The following CCNH variants were observed in gnomAD, a reference collection of about 807,000 sequenced individuals.
CCNH encodes cyclin-H.
CCNH carries 31 observed loss-of-function variants against 41.9 expected under a neutral mutation model. That is an observed-to-expected ratio of 0.74 (90% CI 0.56 to 1.00). The LOEUF (loss-of-function observed/expected upper bound fraction) is 1.00, where lower values mean the gene tolerates loss of function less well. Ranked by LOEUF, CCNH falls within the 50% of genes least tolerant of loss-of-function variation. CCNH has a pLI of 0.00. For missense variants in CCNH, 362 were observed against 388.4 expected (o/e 0.93, Z 0.57); for synonymous variants, 138 against 136.1 (o/e 1.01, Z -0.10).
At chr5:87,407,861 A>T in intron 4 of CCNH, 115 bp downstream of exon 4, 1 of 742,394 alleles carries the variant, frequency 1.3e-6, no homozygotes, top group Non-Finnish European at 2.3e-6. Context: ...CCAGACCCAC[A>T]GGTTGTATCC....
At chr5:87,367,114 C>T (rs923714825) in intron 9 of CCNH, among the ~76,000 whole-genome samples, 3 of 152,022 alleles carry the variant, frequency 2.0e-5, no homozygotes, top group African/African-American at 7.2e-5. Context: ...TTTAAAGTGC[C>T]TTCCTGTGAA....
chr5:87,330,984 G>C, intron 9 of CCNH: 1 of 1,428,940 alleles, frequency 7.0e-7, no homozygotes. Flanking sequence ...TAAGATCGAG[G>C]TAGTAAATTA....
chr5:87,339,996 A>G (rs1758319740), intron 9 of CCNH, among the ~76,000 whole-genome samples: 1 of 152,100 alleles, frequency 6.6e-6, no homozygotes, highest in Admixed American at 6.5e-5. Context: ...TTATACTTTC[A>G]TGTATTAACT....
At chr5:87,367,984 A>AT (rs1189799602) in intron 9 of CCNH, among the ~76,000 whole-genome samples, 3 of 152,078 alleles carry the variant, frequency 2.0e-5, no homozygotes, top group Non-Finnish European at 2.9e-5. Flanking sequence ...TAAAAAAAAA[A>AT]TTATCCTTAG....
exon 1 of CCNH, chr5:87,377,096 A>C: frequency 6.5e-7 from 1 of 1,529,718 alleles, no homozygotes; most frequent in Non-Finnish European, 9.0e-7. Flanking sequence ...TTTTATATCA[A>C]GGATATATGG....
intron 9 of CCNH, among the ~76,000 whole-genome samples, chr5:87,364,342 C>T (rs1291361062): frequency 6.6e-6 from 1 of 152,004 alleles, no homozygotes; most frequent in Non-Finnish European, 1.5e-5. Context: ...ATTAGTGTTA[C>T]TTGTGATTTT....
chr5:87,398,941 CCA>C (rs1371492868), intron 7 of CCNH, among the ~76,000 whole-genome samples: 1 of 151,534 alleles, frequency 6.6e-6, no homozygotes, highest in Non-Finnish European at 1.5e-5. Context: ...CCACTGCACT[CCA>C]GTCTGGGCAA....
downstream of CCNH, chr5:87,393,339 A>G (rs1286506085): frequency 1.3e-5 from 2 of 152,142 alleles, no homozygotes; most frequent in Admixed American, 1.3e-4. Flanking sequence ...AGACGTCCAC[A>G]GTTTGGTTCC....
chr5:87,343,095 G>A (rs1758598141), intron 9 of CCNH, among the ~76,000 whole-genome samples: 1 of 152,080 alleles, frequency 6.6e-6, no homozygotes, highest in Non-Finnish European at 1.5e-5. Context: ...CTAATATAGG[G>A]ACTGTCGCAG....
At chr5:87,311,491 G>A in the CCNH span, among the ~76,000 whole-genome samples, 1 of 152,154 alleles carries the variant, frequency 6.6e-6, no homozygotes, top group South Asian at 2.1e-4. Context: ...AGTAATAATA[G>A]TTTATTATAG....
At chr5:87,355,240 G>A (rs1759563010) in intron 9 of CCNH, among the ~76,000 whole-genome samples, 1 of 152,182 alleles carries the variant, frequency 6.6e-6, no homozygotes, top group Non-Finnish European at 1.5e-5. Context: ...CATGGCAAGA[G>A]TTAATGCTTG....
intron 9 of CCNH, chr5:87,363,560 C>G (rs766669419): frequency 3.0e-5 from 46 of 1,540,070 alleles, no homozygotes; most frequent in Non-Finnish European, 3.9e-5. Flanking sequence ...TAAAATAGTA[C>G]AAACAAAGCA....
chr5:87,316,008 TTATG>T (rs1282559923), downstream of CCNH, among the ~76,000 whole-genome samples: 2 of 152,196 alleles, frequency 1.3e-5, no homozygotes, highest in East Asian at 3.8e-4. Context: ...ATTAAAAAAA[TTATG>T]GACACTATGT....
chr5:87,341,887 T>C (rs1316483100), intron 9 of CCNH, among the ~76,000 whole-genome samples: 1 of 152,170 alleles, frequency 6.6e-6, no homozygotes, highest in Admixed American at 6.5e-5. Context: ...CATTTAGGGA[T>C]GGAACTTGAG....
Position 87,401,750 on chromosome 5 carries a change from G to A in CCNH, c.712C>T (p.Leu238=). The change falls in exon 6 of 9, where the codon CTG becomes TTG. Residue 238 remains leucine (L), a synonymous_variant. Transcript: ENST00000256897. ...MESYLSESLM[L]KENRTCLSQL... ...GACAGGCAAGTTCTGTTCTCTTTCA[G>A]CATCAGACTCTCTGATAAATAACTA... The A allele has an allele frequency of 1.9e-6, 3 of 1,584,416 alleles. No homozygotes were observed. The highest frequency in any genetic ancestry group is 2.6e-6 in the Non-Finnish European group (3 of 1,167,880).
intron 2 of CCNH, among the ~76,000 whole-genome samples, chr5:87,409,770 T>C (rs954435020): frequency 6.6e-6 from 1 of 151,992 alleles, no homozygotes; most frequent in Non-Finnish European, 1.5e-5. Flanking sequence ...CAAAAAAACA[T>C]GGGCAAGGCA....
chr5:87,313,985 T>TTTA (rs1756122425), downstream of CCNH, among the ~76,000 whole-genome samples: 3 of 151,588 alleles, frequency 2.0e-5, no homozygotes, highest in South Asian at 6.3e-4. Context: ...CTGACCAACA[T>TTTA]GGAGAAACCC....
At chr5:87,410,314 T>C (rs1046985108) in intron 2 of CCNH, among the ~76,000 whole-genome samples, 20 of 152,196 alleles carry the variant, frequency 1.3e-4, no homozygotes, top group Admixed American at 5.2e-4. Flanking sequence ...CTGCCTCATT[T>C]TACAGTTCTT....
chr5:87,365,558 G>A (rs544863388), intron 9 of CCNH, among the ~76,000 whole-genome samples: 6 of 152,036 alleles, frequency 3.9e-5, no homozygotes, highest in Non-Finnish European at 7.4e-5. Flanking sequence ...ATATAAGGAG[G>A]TTCTTGAAAA....
Sources: gnomAD v4.1 joint callset for allele counts (sites outside exome capture counted in the v4.1 genomes callset) on GRCh38, gnomAD v4.1.1 for gene constraint, MANE v1.5 for transcripts, NCBI Gene and HGNC (gene_info 2026-07-23, HGNC 2026-07-21) for gene names.